Variants in CHST11 observed in about 807,000 individuals in gnomAD.
CHST11 encodes the protein carbohydrate sulfotransferase 11, also known as C4S-1.
Under a neutral mutation model 30.4 loss-of-function variants are expected in CHST11, and 9 were observed. That is an observed-to-expected ratio of 0.30 (90% CI 0.18 to 0.52). CHST11 has a LOEUF of 0.52. Ranked by LOEUF, CHST11 falls within the 20% of genes least tolerant of loss-of-function variation. CHST11 has a pLI of 0.97. For synonymous variants in CHST11, 152 were observed against 187.8 expected, an observed-to-expected ratio of 0.81 and a Z score of 1.56; for missense variants, 348 against 460.6, an observed-to-expected ratio of 0.76 and a Z score of 2.24.
At chr12:104,681,522 A>C (rs2039795060) in intron 2 of CHST11, among the ~76,000 whole-genome samples, 1 of 152,236 alleles carries the variant, frequency 6.6e-6, no homozygotes, top group Non-Finnish European at 1.5e-5. Flanking sequence ...AAATACATGA[A>C]AAACCACTAA....
At chr12:104,620,599 GA>G (rs2039150201) in intron 2 of CHST11, among the ~76,000 whole-genome samples, 1 of 152,188 alleles carries the variant, frequency 6.6e-6, no homozygotes, top group Non-Finnish European at 1.5e-5. Context: ...GCATTGCAAG[GA>G]ATGGAAATTC....
intron 2 of CHST11, among the ~76,000 whole-genome samples, chr12:104,610,304 C>T (rs921653474): frequency 1.3e-5 from 2 of 152,184 alleles, no homozygotes; most frequent in Non-Finnish European, 2.9e-5. Flanking sequence ...CCACATTTAA[C>T]TCAAGCTTTC....
intron 2 of CHST11, among the ~76,000 whole-genome samples, chr12:104,638,279 C>T (rs949471564): frequency 4.0e-5 from 6 of 151,850 alleles, no homozygotes; most frequent in Non-Finnish European, 5.9e-5. Flanking sequence ...AATATTGTCT[C>T]GTAAGACTTT....
At chr12:104,641,437 G>T (rs545714672) in intron 2 of CHST11, among the ~76,000 whole-genome samples, 1 of 152,120 alleles carries the variant, frequency 6.6e-6, no homozygotes, top group South Asian at 2.1e-4. Flanking sequence ...GCTCTTGCTG[G>T]CACCCAAAAG....
At chr12:104,496,574 A>G (rs1415119935) in intron 1 of CHST11, among the ~76,000 whole-genome samples, 2 of 152,226 alleles carry the variant, frequency 1.3e-5, no homozygotes, top group African/African-American at 2.4e-5. Context: ...TGGTAATCCT[A>G]TCAGTAAATA....
At chr12:104,718,859 C>T (rs1393659991) in intron 2 of CHST11, among the ~76,000 whole-genome samples, 1 of 152,178 alleles carries the variant, frequency 6.6e-6, no homozygotes, top group Non-Finnish European at 1.5e-5. Flanking sequence ...CATTACTGCC[C>T]AGGTCTAAAT....
At chr12:104,659,991 A>G (rs1161101751) in intron 2 of CHST11, among the ~76,000 whole-genome samples, 2 of 152,234 alleles carry the variant, frequency 1.3e-5, no homozygotes, top group East Asian at 3.9e-4. Context: ...CTAAAAGAAA[A>G]CGAATTAATT....
rs562642730 is a variant in CHST11, at chr12:104,697,453, C to T, written c.205-59496C>T. Among the ~76,000 whole-genome samples the T allele has an allele frequency of 8.5e-5, 13 of 152,288 alleles. 2 individuals are homozygous for T. The highest frequency in any genetic ancestry group is 2.6e-4 in the African/African-American group (11 of 41,568). ...AATTCTCTCTTTTCTTGAGCTGGGA[C>T]GTCGGAGCTCCTGGTTCTCCGGCCC... On this transcript the variant is annotated intron_variant, in intron 2 of 2. Transcript: ENST00000303694.
intron 1 of CHST11, among the ~76,000 whole-genome samples, chr12:104,574,318 C>G (rs2038660599): frequency 1.3e-5 from 2 of 152,034 alleles, no homozygotes; most frequent in Admixed American, 1.3e-4. Flanking sequence ...CCTCAGGGAT[C>G]TAGAACTAGA....
chr12:104,577,586 AAC>A (rs35612027), intron 1 of CHST11, among the ~76,000 whole-genome samples: 46,394 of 151,956 alleles, frequency 0.31, 7,345 homozygotes, highest in East Asian at 0.62. Flanking sequence ...AGCTACGTTT[AAC>A]ACTTCATTTC....
At chr12:104,578,175 CAG>C (rs1291586784) in intron 1 of CHST11, among the ~76,000 whole-genome samples, 2 of 152,144 alleles carry the variant, frequency 1.3e-5, no homozygotes, top group African/African-American at 2.4e-5. Flanking sequence ...GACCCAGCAA[CAG>C]GGGGTGGTTC....
chr12:104,577,481 G>A (rs941753409), intron 1 of CHST11, among the ~76,000 whole-genome samples: 1 of 152,004 alleles, frequency 6.6e-6, no homozygotes, highest in Non-Finnish European at 1.5e-5. Context: ...TATCGGGGTG[G>A]TAGGCTACAT....
At chr12:104,683,165 G>T (rs2039814533) in intron 2 of CHST11, among the ~76,000 whole-genome samples, 2 of 152,204 alleles carry the variant, frequency 1.3e-5, no homozygotes, top group South Asian at 4.1e-4. Context: ...TCACCAATGA[G>T]CAGGGTTTGA....
At chr12:104,718,914 T>C (rs2040152794) in intron 2 of CHST11, among the ~76,000 whole-genome samples, 1 of 152,232 alleles carries the variant, frequency 6.6e-6, no homozygotes, top group African/African-American at 2.4e-5. Context: ...CAGAAGTTAC[T>C]GAAGGCTTGA....
intron 2 of CHST11, among the ~76,000 whole-genome samples, chr12:104,701,345 T>G (rs1338773559): frequency 6.6e-6 from 1 of 152,226 alleles, no homozygotes. Context: ...AAGACATCTC[T>G]TATACTCAAT....
At chr12:104,684,375 G>A (rs1428358008) in intron 2 of CHST11, among the ~76,000 whole-genome samples, 1 of 152,136 alleles carries the variant, frequency 6.6e-6, no homozygotes, top group Non-Finnish European at 1.5e-5. Flanking sequence ...TACACAGGGT[G>A]GTGAAAAGAG....
At chr12:104,596,286 C>G (rs1480882612) in intron 1 of CHST11, among the ~76,000 whole-genome samples, 2 of 152,220 alleles carry the variant, frequency 1.3e-5, no homozygotes, top group African/African-American at 4.8e-5. Flanking sequence ...CTGCTCTGCA[C>G]TCTCAGAGTG....
intron 1 of CHST11, among the ~76,000 whole-genome samples, chr12:104,475,839 G>A (rs1324050753): frequency 1.4e-5 from 2 of 143,838 alleles, no homozygotes; most frequent in African/African-American, 5.1e-5. Context: ...AGACCAGAAG[G>A]TCAAGAGATT....
chr12:104,503,781 C>T (rs1490513749), intron 1 of CHST11, among the ~76,000 whole-genome samples: 1 of 152,120 alleles, frequency 6.6e-6, no homozygotes, highest in Non-Finnish European at 1.5e-5. Context: ...AGTTAGTACC[C>T]GTTCGCTTTC....
Sources: gnomAD v4.1 joint callset for allele counts (sites outside exome capture counted in the v4.1 genomes callset) on GRCh38, gnomAD v4.1.1 for gene constraint, MANE v1.5 for transcripts, NCBI Gene and HGNC (gene_info 2026-07-23, HGNC 2026-07-21) for gene names.